Variants in ABCA4 observed in about 807,000 individuals in gnomAD.
ABCA4 encodes the protein ATP binding cassette subfamily A member 4, also known as retinal-specific phospholipid-transporting ATPase ABCA4.
In ABCA4, 196 loss-of-function variants were observed where a neutral mutation model predicts 263.7. The observed-to-expected ratio is 0.74, with a 90% CI of 0.66 to 0.84. The LOEUF is 0.84. ABCA4 is among the 40% of genes least tolerant of loss of function. ABCA4 has a pLI of 0.00. For synonymous variants in ABCA4, 1,133 were observed against 1,094.2 expected, an observed-to-expected ratio of 1.04 and a Z score of -0.70; for missense variants, 2,792 against 2,855.1, an observed-to-expected ratio of 0.98 and a Z score of 0.50.
intron 11 of ABCA4, among the ~76,000 whole-genome samples, chr1:94,069,339 T>A (rs543132057): frequency 6.6e-5 from 10 of 152,306 alleles, no homozygotes; most frequent in Admixed American, 2.0e-4. Context: ...ATCTTTCCTT[T>A]TGTTTAAACT....
intron 2 of ABCA4, 92 bp from the exon 3 acceptor site, chr1:94,111,671 G>A (rs192247071): frequency 5.8e-5 from 85 of 1,461,958 alleles, no homozygotes; most frequent in African/African-American, 4.6e-4. Flanking sequence ...GAAGGGGCCC[G>A]GGCCCCTCTG....
chr1:94,083,336 C>A lies in ABCA4; in HGVS notation c.858+16G>T, dbSNP rs373592199. 6.4e-7 allele frequency: 1 copy of A among 1,558,844 alleles called. No homozygotes were observed. The highest frequency in any genetic ancestry group is 8.8e-7 in the Non-Finnish European group (1 of 1,130,942). Reference sequence around the variant, plus strand: ...AGACATAATGAAATTATAATTACTACCATCAGGCTACTCACCTCTTGAATT... The same window carrying A: ...AGACATAATGAAATTATAATTACTAACATCAGGCTACTCACCTCTTGAATT... On this transcript the variant is annotated intron_variant, in intron 7 of 49. Transcript: ENST00000370225.
At chr1:94,028,805 G>C (rs547227833) in intron 30 of ABCA4, among the ~76,000 whole-genome samples, 3 of 151,414 alleles carry the variant, frequency 2.0e-5, no homozygotes, top group African/African-American at 4.9e-5. Flanking sequence ...CACTACTCGG[G>C]GGGGCTGAGG....
chr1:94,001,367 TCTC>T lies in ABCA4; in HGVS notation c.6283-265_6283-263del, dbSNP rs550532878. The T allele has an allele frequency of 1.1e-3, 658 of 572,458 alleles. 3 individuals are homozygous for T. The highest frequency in any genetic ancestry group is 7.9e-3 in the African/African-American group (419 of 53,288). The allele number at this position is 572,458 out of a possible 1,614,324, so 35.5% of individuals were successfully genotyped here. A position where few individuals can be genotyped will look rare whatever the true frequency, so the allele number is the denominator to read the frequency against. ...AAGTGGATTAAGGCAATGACAGAATTCTCCTCAAAAAAAGAAAATCCTGCAAAT... is the reference window on the plus strand; with the variant it reads ...AAGTGGATTAAGGCAATGACAGAATTCTCAAAAAAAGAAAATCCTGCAAAT... On this transcript the variant is annotated intron_variant, in intron 45 of 49. Transcript: ENST00000370225.
At position 94,010,916 on chromosome 1, in the gene ABCA4, A is replaced by C. The variant is rs1439924722; in HGVS notation, c.5598T>G (p.Ser1866=). 1.9e-6 allele frequency: 3 copies of C among 1,614,094 alleles called. No individual in the cohort carries two copies. Residue 1866 remains serine (S), a synonymous_variant, in exon 40 of 50, where the codon TCT becomes TCG. Coordinates refer to ENST00000370225, the MANE Select transcript of ABCA4 (RefSeq NM_000350.3). ...DVYARFGEEH[S]ANPFHWDLIG... ...TCAGGTCCCAGTGGAACGGATTTGCAGAGTGCTCCTCACCTGGGCATCAAC... is the reference window on the plus strand; with the variant it reads ...TCAGGTCCCAGTGGAACGGATTTGCCGAGTGCTCCTCACCTGGGCATCAAC...
At chr1:94,069,977 G>C (rs1661362896) in intron 11 of ABCA4, among the ~76,000 whole-genome samples, 1 of 152,204 alleles carries the variant, frequency 6.6e-6, no homozygotes, top group Admixed American at 6.5e-5. Context: ...GATTCACACT[G>C]GGGCAAAGCC....
At chr1:94,075,963 T>G (rs543236776) in intron 11 of ABCA4, among the ~76,000 whole-genome samples, 6 of 152,130 alleles carry the variant, frequency 3.9e-5, no homozygotes, top group Admixed American at 2.0e-4. Context: ...GAGGAGTGAA[T>G]GACTAAACCT....
chr1:94,111,604 G>A (rs540547433), intron 2 of ABCA4, 25 bp from the exon 3 acceptor site: 1 of 1,613,978 alleles, frequency 6.2e-7, no homozygotes, highest in South Asian at 1.1e-5. Flanking sequence ...ATGAGGACAA[G>A]ACGGGATTAG....
rs781254854 is a variant in ABCA4, at chr1:94,056,630, G to A, written c.2353C>T (p.Arg785Cys). 1.1e-5 allele frequency: 17 copies of A among 1,613,452 alleles called. No individual in the cohort carries two copies. The highest frequency in any genetic ancestry group is 4.5e-5 in the East Asian group (2 of 44,886). ...PHILCFAWQDRMTAELKKAVS... is the reference protein window; with the variant it reads ...PHILCFAWQDCMTAELKKAVS... ...GCCTTCTTCAGCTCAGCGGTCATGC[G>A]GTCCTGCCAGGCGAAGCACAGGATG... Residue 785 changes from arginine (R) to cysteine (C), a missense_variant, in exon 15 of 50, where the codon CGC becomes TGC. Transcript: ENST00000370225.
Position 94,113,034 on chromosome 1 carries a change from T to C in ABCA4, c.99A>G (p.Leu33=), listed in dbSNP as rs777015231. Residue 33 remains leucine, a synonymous_variant, in exon 2 of 50, where the codon TTA becomes TTG. Coordinates refer to ENST00000370225, the MANE Select transcript of ABCA4 (RefSeq NM_000350.3). ...IRFVVELVWP[L]SLFLVLIWLR... is the part of the protein sequence containing the mutation. ...ACCAGATCAAGACCAGAAATAAAGA[T>C]AAAGGCCACACGAGTTCCACCACAA... 8.1e-6 allele frequency: 13 copies of C among 1,613,980 alleles called. No individual in the cohort carries two copies. Among genetic ancestry groups the C allele is most frequent in the Non-Finnish European group, 1.1e-5 (13 of 1,180,000 alleles).
rs576025627 is a variant in ABCA4, at chr1:94,066,003, G to T, written c.1555-2686C>A. Reference sequence around the variant, plus strand: ...GCATTGCCTAGCCTAACATTGACCAGTCCTTAAATGAGATGTAGGACTTAA... The same window carrying T: ...GCATTGCCTAGCCTAACATTGACCATTCCTTAAATGAGATGTAGGACTTAA... On this transcript the variant is annotated intron_variant, in intron 11 of 49. Coordinates refer to ENST00000370225, the MANE Select transcript of ABCA4 (RefSeq NM_000350.3). Among the ~76,000 whole-genome samples the T allele has an allele frequency of 2.2e-4, 34 of 152,360 alleles. No homozygotes were observed. In the South Asian group the frequency reaches 5.0e-3, roughly 22 times the overall value.
chr1:94,119,304 A>G (rs915320387), intron 1 of ABCA4, among the ~76,000 whole-genome samples: 5 of 152,180 alleles, frequency 3.3e-5, no homozygotes, highest in Non-Finnish European at 7.4e-5. Flanking sequence ...GGCTTGACAG[A>G]GGAAAGTGAC....
Position 94,041,413 on chromosome 1 carries a change from G to C in ABCA4, c.3329-11C>G. 6.2e-7 allele frequency: 1 copy of C among 1,613,294 alleles called. No individual in the cohort carries two copies. Among genetic ancestry groups the C allele is most frequent in the Non-Finnish European group, 8.5e-7 (1 of 1,179,990 alleles). On this transcript the variant is annotated splice_polypyrimidine_tract_variant and intron_variant, in intron 22 of 49. Transcript: ENST00000370225. ...TGATGATGGTTCTGCCTGCAAGGTA[G>C]GGGCCAGGGCAATCACCAGGCCTGC...
In ABCA4 at chr1:94,052,578, C is replaced by T. The variant is rs1047537727; in HGVS notation, c.2588-880G>A. 2.6e-5 allele frequency among the ~76,000 whole-genome samples: 4 copies of T among 152,286 alleles called. No individual in the cohort carries two copies. The South Asian group carries it at 8.3e-4, about 32-fold the overall frequency. Reference sequence around the variant, plus strand: ...AAGCTTTAGCTTGGCTAAAATAAAACTTTTGAATTATGCACAAATTTCAAT... The same window carrying T: ...AAGCTTTAGCTTGGCTAAAATAAAATTTTTGAATTATGCACAAATTTCAAT... On this transcript the variant is annotated intron_variant, in intron 16 of 49. Transcript: ENST00000370225.
chr1:94,063,566 A>G (rs144777222), intron 11 of ABCA4, among the ~76,000 whole-genome samples: 3 of 152,348 alleles, frequency 2.0e-5, no homozygotes, highest in African/African-American at 7.2e-5. Context: ...TGAGGACCAC[A>G]CTTTCCAGAT....
At chr1:94,116,577 T>C (rs906117525) in intron 1 of ABCA4, among the ~76,000 whole-genome samples, 3 of 151,816 alleles carry the variant, frequency 2.0e-5, no homozygotes, top group African/African-American at 7.3e-5. Flanking sequence ...GCGGGGGCGG[T>C]TGCTGCATTT....
chr1:94,067,351 TCAGTGGCATTGCTGACTG>T (rs1291062187), intron 11 of ABCA4, among the ~76,000 whole-genome samples: 1 of 152,250 alleles, frequency 6.6e-6, no homozygotes, highest in East Asian at 1.9e-4. Context: ...CTGATGTTTT[TCAGTGGCATTGCTGACTG>T]CTGTGATGAC....
At chr1:94,034,458 C>T (rs1660290268) in intron 26 of ABCA4, among the ~76,000 whole-genome samples, 2 of 152,074 alleles carry the variant, frequency 1.3e-5, no homozygotes, top group African/African-American at 4.8e-5. Context: ...ATGATGGTTT[C>T]ACGTAGTAAC....
intron 1 of ABCA4, among the ~76,000 whole-genome samples, chr1:94,118,293 G>A (rs1346316706): frequency 6.6e-6 from 1 of 152,144 alleles, no homozygotes; most frequent in Non-Finnish European, 1.5e-5. Context: ...AAAGAGGGAG[G>A]AAAGCAGAGA....
Sources: gnomAD v4.1 joint callset for allele counts (sites outside exome capture counted in the v4.1 genomes callset) on GRCh38, gnomAD v4.1.1 for gene constraint, MANE v1.5 for transcripts, NCBI Gene and HGNC (gene_info 2026-07-23, HGNC 2026-07-21) for gene names.